GCSAML: variants seen among roughly 807,000 people sequenced by gnomAD.
GCSAML encodes the protein germinal center associated signaling and motility like.
GCSAML carries 9 observed loss-of-function variants against 13.0 expected under a neutral mutation model. The ratio of observed to expected loss-of-function variants is 0.69; its 90% CI spans 0.42 to 1.21. The LOEUF (loss-of-function observed/expected upper bound fraction) is 1.21, where lower values mean the gene tolerates loss of function less well. Ranked by LOEUF, GCSAML falls within the 50% of genes most tolerant of loss-of-function variation. The pLI, the probability that GCSAML is intolerant of heterozygous loss-of-function variation, is 0.00. For synonymous variants in GCSAML, 37 were observed against 52.9 expected (o/e 0.70, Z 1.31); for missense variants, 143 against 153.4 (o/e 0.93, Z 0.36).
intron 2 of GCSAML, among the ~76,000 whole-genome samples, chr1:247,541,195 C>A (rs954098507): frequency 6.0e-5 from 9 of 149,850 alleles, no homozygotes; most frequent in African/African-American, 2.2e-4. Context: ...TTTTTTTTTC[C>A]TATTGAAGCT....
chr1:247,556,497 T>C, intron 2 of GCSAML, 31 bp downstream of exon 2: 1 of 1,470,062 alleles, frequency 6.8e-7, no homozygotes, highest in South Asian at 1.2e-5. Context: ...AGTTTTTTTG[T>C]TTTGTTTTGT....
upstream of GCSAML, among the ~76,000 whole-genome samples, chr1:247,546,287 T>C (rs1362073417): frequency 2.6e-5 from 4 of 152,162 alleles, no homozygotes; most frequent in Non-Finnish European, 5.9e-5. Flanking sequence ...ATCCTCCTGC[T>C]TCAGCCTCCC....
chr1:247,529,718 G>GTT lies in GCSAML; in HGVS notation c.-148+2690_-148+2691dup, dbSNP rs57236564. 146 of 108,288 alleles carry GTT rather than the reference G, an allele frequency of 1.3e-3. 3 individuals are homozygous for GTT. The highest frequency in any genetic ancestry group is 5.2e-3 in the African/African-American group (143 of 27,480). The allele number at this position is 108,288 out of a possible 1,614,324, so 6.7% of individuals were successfully genotyped here. A position where few individuals can be genotyped will look rare whatever the true frequency, so the allele number is the denominator to read the frequency against. ...CAAGCCTCGGTGTTACTGTGAAGGTGTTTTTTTTTTTTTTTTTTTTTTTTT... is the reference window on the plus strand; with the variant it reads ...CAAGCCTCGGTGTTACTGTGAAGGTGTTTTTTTTTTTTTTTTTTTTTTTTTTT... On this transcript the variant is annotated intron_variant, in intron 2 of 5. Coordinates refer to the GCSAML transcript ENST00000366489.
chr1:247,553,936 G>A (rs991007628), intron 1 of GCSAML, among the ~76,000 whole-genome samples: 1 of 152,184 alleles, frequency 6.6e-6, no homozygotes, highest in Non-Finnish European at 1.5e-5. Flanking sequence ...CCATTTGATT[G>A]TGATGTGTGC....
At chr1:247,521,299 A>T (rs1666407726) in intron 1 of GCSAML, among the ~76,000 whole-genome samples, 1 of 150,528 alleles carries the variant, frequency 6.6e-6, no homozygotes, top group Non-Finnish European at 1.5e-5. Context: ...TTTATGAAAA[A>T]CATAATGTCT....
chr1:247,564,010 G>A (rs927086291), intron 3 of GCSAML, among the ~76,000 whole-genome samples: 1 of 151,728 alleles, frequency 6.6e-6, no homozygotes, highest in Non-Finnish European at 1.5e-5. Flanking sequence ...TCGGCTCACT[G>A]TAACCCCCCG....
intron 1 of GCSAML, among the ~76,000 whole-genome samples, chr1:247,554,017 G>A (rs547100808): frequency 6.6e-5 from 10 of 152,142 alleles, no homozygotes; most frequent in South Asian, 4.2e-4. Context: ...TTTCATGATC[G>A]AGTTGGACCT....
At chr1:247,553,222 A>G (rs1667840960) in intron 1 of GCSAML, among the ~76,000 whole-genome samples, 1 of 151,994 alleles carries the variant, frequency 6.6e-6, no homozygotes, top group Non-Finnish European at 1.5e-5. Context: ...TATGAATGAC[A>G]TTTTTTCCTA....
At chr1:247,568,172 A>C (rs1668460891) in intron 4 of GCSAML, among the ~76,000 whole-genome samples, 1 of 152,102 alleles carries the variant, frequency 6.6e-6, no homozygotes, top group Non-Finnish European at 1.5e-5. Flanking sequence ...GAAGCCCTTT[A>C]GTTTAATTTG....
rs1667681478 is a variant in GCSAML at position 247,549,161 on chromosome 1, A to G, written c.-31A>G. 3 of 1,613,958 alleles carry G rather than the reference A, an allele frequency of 1.9e-6. No individual in the cohort carries two copies. The highest frequency in any genetic ancestry group is 1.1e-5 in the South Asian group (1 of 91,090). On this transcript the variant is annotated 5_prime_UTR_variant, in exon 1 of 5. Coordinates refer to ENST00000366488, the MANE Select transcript of GCSAML (RefSeq NM_145278.5). ...AACTTCCCCAAGTGGAGTGAAACTC[A>G]GGAGCTGAGAAACCGAGTCACTGTG...
intron 2 of GCSAML, chr1:247,538,881 C>T (rs1200970836): frequency 2.7e-6 from 1 of 377,188 alleles, no homozygotes; most frequent in Non-Finnish European, 5.4e-6. Context: ...ATGGCTAATG[C>T]AAAGCTCCAG....
At chr1:247,533,668 A>G (rs1347432415) in intron 2 of GCSAML, 3 of 152,198 alleles carry the variant, frequency 2.0e-5, no homozygotes, top group African/African-American at 7.2e-5. Flanking sequence ...TTCATGTTCA[A>G]TCATATTTCT....
At chr1:247,512,730 C>T (rs1022054380) in intron 1 of GCSAML, among the ~76,000 whole-genome samples, 7 of 152,062 alleles carry the variant, frequency 4.6e-5, no homozygotes, top group African/African-American at 1.7e-4. Flanking sequence ...GACGCTATTC[C>T]TTTCTGCTTG....
intron 1 of GCSAML, among the ~76,000 whole-genome samples, chr1:247,522,204 T>G (rs1666462814): frequency 1.4e-5 from 2 of 146,830 alleles, no homozygotes; most frequent in South Asian, 2.2e-4. Context: ...GTCTGGGAGG[T>G]GGGGGGCAGC....
intron 2 of GCSAML, among the ~76,000 whole-genome samples, chr1:247,534,764 A>G (rs534740630): frequency 1.9e-4 from 29 of 152,348 alleles, no homozygotes; most frequent in African/African-American, 7.2e-5. Context: ...CTGGAAGTCA[A>G]TTAAACAAAA....
At position 247,574,423 on chromosome 1, in the gene GCSAML, A is replaced by G. The variant is rs1216585369; in HGVS notation, c.*41A>G. ...TTATCACCTTCCAGCAATGAAGACA[A>G]TGCAGAATAGCAGACTCTGGCGAAG... is the stretch of plus-strand genomic sequence containing the variant. On this transcript the variant is annotated 3_prime_UTR_variant, in exon 5 of 5. Coordinates refer to ENST00000366488, the MANE Select transcript of GCSAML (RefSeq NM_145278.5). 2 of 1,605,770 alleles carry G rather than the reference A, an allele frequency of 1.2e-6. No individual in the cohort carries two copies. The highest frequency in any genetic ancestry group is 3.4e-5 in the Admixed American group (2 of 59,650).
chr1:247,537,433 A>G (rs1205983415), intron 2 of GCSAML, among the ~76,000 whole-genome samples: 1 of 152,182 alleles, frequency 6.6e-6, no homozygotes, highest in Non-Finnish European at 1.5e-5. Flanking sequence ...GGCTATTGTG[A>G]ATAGAGCTGC....
intron 2 of GCSAML, among the ~76,000 whole-genome samples, chr1:247,534,948 A>G (rs753526573): frequency 3.3e-5 from 5 of 152,132 alleles, no homozygotes; most frequent in Non-Finnish European, 7.3e-5. Context: ...TGGCCTGCAT[A>G]TAGTAGGCCA....
At chr1:247,507,164 T>C (rs1398330765) in exon 1 of GCSAML, 6 of 152,222 alleles carry the variant, frequency 3.9e-5, no homozygotes, top group Non-Finnish European at 8.8e-5. Flanking sequence ...GCTGATGGCA[T>C]TCCCAGCTTA....
Sources: allele counts gnomAD v4.1 joint callset (sites outside exome capture counted in the v4.1 genomes callset), GRCh38; gene constraint gnomAD v4.1.1; transcripts MANE v1.5; gene names NCBI Gene and HGNC (gene_info 2026-07-23, HGNC 2026-07-21).